MARK2: variants seen among roughly 807,000 people sequenced by gnomAD.
MARK2 encodes microtubule affinity regulating kinase 2.
Under a neutral mutation model 89.8 loss-of-function variants are expected in MARK2, and 16 were observed. The ratio of observed to expected loss-of-function variants is 0.18; its 90% CI spans 0.12 to 0.27. MARK2 has a LOEUF of 0.27. Among genes scored for constraint, MARK2 ranks in the 10% least tolerant of loss-of-function variants. The probability of loss-of-function intolerance (pLI) is 1.00; values close to 1 mark genes in which losing one functional copy is unlikely to be tolerated. For missense variants in MARK2, 621 were observed against 1,049.9 expected, an observed-to-expected ratio of 0.59 and a Z score of 5.65; for synonymous variants, 382 against 399.5, an observed-to-expected ratio of 0.96 and a Z score of 0.52.
At chr11:63,898,158 C>A in intron 3 of MARK2, 74 bp from the exon 4 acceptor site, 1 of 1,322,098 alleles carries the variant, frequency 7.6e-7, no homozygotes. Flanking sequence ...AAAACAAATC[C>A]TGGCAGGGAC....
chr11:63,858,276 A>G (rs2016965884), intron 1 of MARK2, among the ~76,000 whole-genome samples: 1 of 152,134 alleles, frequency 6.6e-6, no homozygotes, highest in Non-Finnish European at 1.5e-5. Context: ...TCGGCCTCCC[A>G]AAGTGCTAGG....
rs986707508 is a variant in MARK2, at chr11:63,903,677, ACT to A, written c.1515-305_1515-304del. ...ACACCCCACTCTTTCTGTAGAAGAA[ACT>A]CTCCTGTTCTTAAAATTCTTAGGAG... is the stretch of plus-strand genomic sequence containing the variant. On this transcript the variant is annotated intron_variant, in intron 14 of 18. Transcript: ENST00000402010. This position sits in a 1 kb window ranked among gnomAD's most constrained non-coding sequence, Gnocchi z 5.1. 1.4e-4 allele frequency among the ~76,000 whole-genome samples: 21 copies of A among 151,100 alleles called. No individual in the cohort carries two copies. The highest frequency in any genetic ancestry group is 5.1e-4 in the African/African-American group (21 of 41,010).
At position 63,902,873 on chromosome 11, in the gene MARK2, T is replaced by C. The variant is rs562616154; in HGVS notation, c.1416+91T>C. On this transcript the variant is annotated intron_variant, in intron 13 of 18. Transcript: ENST00000402010. The surrounding 1 kb of genome is among the most constrained non-coding windows in gnomAD (Gnocchi z 4.2). ...TCTCTTAATTCAGACTCTGTTCCCT[T>C]TGGCTACTACTTCTGCTTATAGCAG... The C allele has an allele frequency of 1.9e-4, 234 of 1,206,908 alleles. No individual in the cohort carries two copies. Among genetic ancestry groups the C allele is most frequent in the Non-Finnish European group, 2.7e-4 (228 of 834,932 alleles). The allele number at this position is 1,206,908 out of a possible 1,614,324, so 74.8% of individuals were successfully genotyped here.
chr11:63,852,872 A>T (rs1319472563), intron 1 of MARK2, among the ~76,000 whole-genome samples: 1 of 152,226 alleles, frequency 6.6e-6, no homozygotes, highest in Admixed American at 6.5e-5. Context: ...ATGCGTACGT[A>T]CTATGAGCTC....
chr11:63,883,251 G>A (rs1939204803), intron 1 of MARK2, among the ~76,000 whole-genome samples: 1 of 152,164 alleles, frequency 6.6e-6, no homozygotes, highest in African/African-American at 2.4e-5. Context: ...CACACAGAGG[G>A]CGAAGGCATG....
Position 63,909,386 on chromosome 11 carries a change from CT to C in MARK2, c.*151del. On this transcript the variant is annotated 3_prime_UTR_variant, in exon 19 of 19. Transcript: ENST00000402010. ...CCTCCCTGGCCCTTCTCAGTTTTCT[CT>C]TACATGTTTGTGGGGGGTGGGAGAT... 1.2e-6 allele frequency: 1 copy of C among 821,772 alleles called. No individual in the cohort carries two copies. The highest frequency in any genetic ancestry group is 1.8e-6 in the Non-Finnish European group (1 of 560,158). The allele number at this position is 821,772 out of a possible 1,614,324, so 50.9% of individuals were successfully genotyped here.
intron 1 of MARK2, chr11:63,882,474 T>G (rs906711047): frequency 6.6e-6 from 1 of 151,954 alleles, no homozygotes; most frequent in African/African-American, 2.4e-5. Flanking sequence ...TCCCAGTTAC[T>G]TGGGAGGCTG....
intron 1 of MARK2, among the ~76,000 whole-genome samples, chr11:63,871,049 CAT>C (rs1938415181): frequency 1.3e-5 from 2 of 152,134 alleles, no homozygotes; most frequent in South Asian, 4.1e-4. Flanking sequence ...ATCAATTTTA[CAT>C]GTATATGTGT....
chr11:63,907,399 T>C (rs575383011), intron 17 of MARK2, among the ~76,000 whole-genome samples: 1 of 152,340 alleles, frequency 6.6e-6, no homozygotes, highest in African/African-American at 2.4e-5. Context: ...ACCCCTGTGT[T>C]GGTTGTGTCT....
rs757169589 is a variant in MARK2 at position 63,898,240 on chromosome 11, C to T, written c.297C>T (p.Arg99=). 34 of 1,613,726 alleles carry T rather than the reference C, an allele frequency of 2.1e-5. No individual in the cohort carries two copies. Among genetic ancestry groups the T allele is most frequent in the Non-Finnish European group, 2.7e-5 (32 of 1,179,762 alleles). Residue 99 remains arginine, a synonymous_variant, in exon 4 of 19, where the codon CGC becomes CGT. Coordinates refer to ENST00000402010, the MANE Select transcript of MARK2 (RefSeq NM_001039469.3). The part of the protein sequence containing the change: ...LNSSSLQKLF[R]EVRIMKVLNH... ...GGTATTTTATCTTCCAGCTATTCCG[C>T]GAAGTAAGAATAATGAAGGTTTTGA...
intron 1 of MARK2, among the ~76,000 whole-genome samples, chr11:63,855,587 T>C (rs1389407676): frequency 6.6e-6 from 1 of 151,664 alleles, no homozygotes; most frequent in East Asian, 1.9e-4. Context: ...TGTTCCTTGA[T>C]AAAATTTCAG....
intron 1 of MARK2, among the ~76,000 whole-genome samples, chr11:63,865,467 C>G (rs1938078220): frequency 6.6e-6 from 1 of 152,218 alleles, no homozygotes; most frequent in Admixed American, 6.5e-5. Flanking sequence ...CAGAGTGGTT[C>G]TGCCCCTTCC....
chr11:63,853,916 A>C (rs768193845), intron 1 of MARK2, among the ~76,000 whole-genome samples: 6 of 152,094 alleles, frequency 3.9e-5, no homozygotes, highest in Non-Finnish European at 7.4e-5. Flanking sequence ...TCTGTCTCCT[A>C]GGCTGAAGTG....
intron 1 of MARK2, among the ~76,000 whole-genome samples, chr11:63,861,496 G>C (rs550333052): frequency 2.8e-4 from 42 of 152,278 alleles, no homozygotes; most frequent in African/African-American, 9.9e-4. Context: ...TAAGGCAACG[G>C]CTTAGTAATG....
chr11:63,840,657 A>G (rs1467907523), intron 1 of MARK2, among the ~76,000 whole-genome samples: 1 of 151,734 alleles, frequency 6.6e-6, no homozygotes, highest in Non-Finnish European at 1.5e-5. Context: ...CATCTTCCTT[A>G]CTGTGCCTTT....
chr11:63,883,201 G>A (rs1939200744), intron 1 of MARK2, among the ~76,000 whole-genome samples: 1 of 152,170 alleles, frequency 6.6e-6, no homozygotes, highest in African/African-American at 2.4e-5. Flanking sequence ...GATGAAGAAG[G>A]GAAGAACCCT....
At chr11:63,885,033 T>C (rs1012683876) in intron 1 of MARK2, among the ~76,000 whole-genome samples, 2 of 152,090 alleles carry the variant, frequency 1.3e-5, no homozygotes, top group Non-Finnish European at 2.9e-5. Flanking sequence ...AGAAATCCTG[T>C]CTGTACAAAA....
chr11:63,900,711 T>C lies in MARK2; in HGVS notation c.888+33T>C, dbSNP rs1034583157. ...GTGGAGCCCAACTGGCGGAAGGGCC[T>C]GGGGTCCCCACAGAAACTTTCCAGC... On this transcript the variant is annotated intron_variant, in intron 9 of 18. Transcript: ENST00000402010. This position sits in a 1 kb window ranked among gnomAD's most constrained non-coding sequence, Gnocchi z 4.7. The C allele has an allele frequency of 6.2e-7, 1 of 1,613,744 alleles. No individual in the cohort carries two copies. The highest frequency in any genetic ancestry group is 1.7e-5 in the Admixed American group (1 of 60,016).
intron 1 of MARK2, among the ~76,000 whole-genome samples, chr11:63,885,468 G>A (rs1379398869): frequency 6.6e-6 from 1 of 152,058 alleles, no homozygotes; most frequent in African/African-American, 2.4e-5. Flanking sequence ...GAGCCCAGGA[G>A]GCAGAGGTTG....
Sources: allele counts gnomAD v4.1 joint callset (sites outside exome capture counted in the v4.1 genomes callset), GRCh38; gene constraint gnomAD v4.1.1; non-coding constraint Gnocchi (gnomAD v3.1); transcripts MANE v1.5; gene names NCBI Gene and HGNC (gene_info 2026-07-23, HGNC 2026-07-21).